Variants in SLC13A5 observed in about 807,000 individuals in gnomAD.
SLC13A5 encodes the protein solute carrier family 13 member 5, also known as Na(+)/citrate cotransporter.
A neutral mutation model predicts 56.5 loss-of-function variants in SLC13A5; 25 were observed. The ratio of observed to expected loss-of-function variants is 0.44; its 90% CI spans 0.32 to 0.62. The LOEUF (loss-of-function observed/expected upper bound fraction) is 0.62, where lower values mean the gene tolerates loss of function less well. SLC13A5 is among the 20% of genes least tolerant of loss of function. The pLI is 0.04. For missense variants in SLC13A5, 649 were observed against 737.8 expected (o/e 0.88, Z 1.39); for synonymous variants, 307 against 301.5 (o/e 1.02, Z -0.19).
At chr17:6,709,016 G>C (rs1261523162) in intron 1 of SLC13A5, among the ~76,000 whole-genome samples, 1 of 112,182 alleles carries the variant, frequency 8.9e-6, no homozygotes, top group Admixed American at 8.5e-5. Context: ...TTTGAGACAG[G>C]GTCTGGCTCT....
At position 6,701,106 on chromosome 17, in the gene SLC13A5, T is replaced by C. The variant is rs778721131; in HGVS notation, c.737A>G (p.Asp246Gly). Reference protein sequence around the residue: ...QMNELFPDSKDLVNFASWFAF... With the variant: ...QMNELFPDSKGLVNFASWFAF... ...AAACCAGGAAGCAAAGTTCACGAGG[T>C]CCTTGCTGTCAGGAAACAACCTACA... The change falls in exon 6 of 12, where the codon GAC becomes GGC. Residue 246 changes from aspartate (D) to glycine (G), a missense_variant. Coordinates refer to ENST00000433363, the MANE Select transcript of SLC13A5 (RefSeq NM_177550.5). This position sits in a 1 kb window ranked among gnomAD's most constrained non-coding sequence, Gnocchi z 4.1. 3.1e-6 allele frequency: 5 copies of C among 1,613,978 alleles called. No individual in the cohort carries two copies. Among genetic ancestry groups the C allele is most frequent in the Non-Finnish European group, 3.4e-6 (4 of 1,179,972 alleles).
chr17:6,699,044 A>AAAATAAATAAATAAAT (rs201152183), intron 6 of SLC13A5, among the ~76,000 whole-genome samples: 9 of 138,200 alleles, frequency 6.5e-5, no homozygotes, highest in East Asian at 2.1e-4. Context: ...CACTGTCTCA[A>AAAATAAATAAATAAAT]AAATAAATAA....
intron 5 of SLC13A5, among the ~76,000 whole-genome samples, chr17:6,702,146 G>A (rs964647434): frequency 6.6e-6 from 1 of 152,052 alleles, no homozygotes; most frequent in Non-Finnish European, 1.5e-5. Context: ...CAGCTCCTGC[G>A]CCCACTGCCC....
intron 4 of SLC13A5, among the ~76,000 whole-genome samples, chr17:6,703,668 G>A (rs1380988907): frequency 1.3e-5 from 2 of 152,160 alleles, no homozygotes; most frequent in Non-Finnish European, 2.9e-5. Context: ...GTGAGACTTT[G>A]TTCAAAGCTC....
In SLC13A5 at chr17:6,685,140, G is replaced by C. The variant is rs985942735; in HGVS notation, c.*1067C>G. 5 of 152,220 alleles carry C rather than the reference G, an allele frequency of 3.3e-5. No homozygotes were observed. The highest frequency in any genetic ancestry group is 1.2e-4 in the African/African-American group (5 of 41,438). The allele number at this position is 152,220 out of a possible 1,614,324, so 9.4% of individuals were successfully genotyped here. On this transcript the variant is annotated 3_prime_UTR_variant, in exon 12 of 12. Coordinates refer to ENST00000433363, the MANE Select transcript of SLC13A5 (RefSeq NM_177550.5). The surrounding 1 kb of genome is among the most constrained non-coding windows in gnomAD (Gnocchi z 4.2). ...TCCTCTGTTGTCACCAGCCATGGCT[G>C]TGAAGGCCAGTCAACAAAGGGAAGA...
chr17:6,707,412 G>A (rs887866696), intron 1 of SLC13A5, among the ~76,000 whole-genome samples: 1 of 152,090 alleles, frequency 6.6e-6, no homozygotes, highest in Non-Finnish European at 1.5e-5. Flanking sequence ...GTGGTTCTAG[G>A]CACGTTCTTT....
In SLC13A5 at chr17:6,692,809, C is replaced by G. The variant is rs1032170171; in HGVS notation, c.1275+235G>C. On this transcript the variant is annotated intron_variant, in intron 9 of 11. Coordinates refer to ENST00000433363, the MANE Select transcript of SLC13A5 (RefSeq NM_177550.5). The surrounding 1 kb of genome is among the most constrained non-coding windows in gnomAD (Gnocchi z 5.5). ...GTCCTCTGCCTCTCTTGGCTAACCACGGTCACTCATTCACTCATTCCTGCA... is the reference window on the plus strand; with the variant it reads ...GTCCTCTGCCTCTCTTGGCTAACCAGGGTCACTCATTCACTCATTCCTGCA... 2 of 544,844 alleles carry G rather than the reference C, an allele frequency of 3.7e-6. No homozygotes were observed. The highest frequency in any genetic ancestry group is 6.6e-6 in the Non-Finnish European group (2 of 305,026). 33.8% of individuals were successfully genotyped at this position (544,844 alleles called of 1,614,324 possible).
intron 11 of SLC13A5, chr17:6,686,967 C>T (rs896771966): frequency 1.9e-5 from 3 of 158,068 alleles, no homozygotes; most frequent in Non-Finnish European, 2.8e-5. Context: ...AAACACTTGC[C>T]TCTTTCCCAG....
chr17:6,698,214 G>A (rs1334230398), intron 6 of SLC13A5, among the ~76,000 whole-genome samples: 1 of 152,232 alleles, frequency 6.6e-6, no homozygotes, highest in Non-Finnish European at 1.5e-5. Flanking sequence ...GAAGGGGAAG[G>A]GGTGGGACTG....
intron 7 of SLC13A5, 23 bp from the exon 8 acceptor site, chr17:6,694,220 C>A: frequency 7.1e-7 from 1 of 1,418,052 alleles, no homozygotes; most frequent in South Asian, 1.2e-5. Context: ...AAGCACAGCT[C>A]ATCTGCGACA....
In SLC13A5 at chr17:6,692,123, AGATGGATGGATGGATG is replaced by A. The variant is rs753711538; in HGVS notation, c.1275+905_1275+920del. On this transcript the variant is annotated intron_variant, in intron 9 of 11. Transcript: ENST00000433363. This position sits in a 1 kb window ranked among gnomAD's most constrained non-coding sequence, Gnocchi z 5.5. ...AGGAATGTTGGATGGATGGATGGAT[AGATGGATGGATGGATG>A]GATGGATGGATGGATGGATGGATGG... Among the ~76,000 whole-genome samples, 2 of 143,954 alleles carry A rather than the reference AGATGGATGGATGGATG, an allele frequency of 1.4e-5. No homozygotes were observed. The highest frequency in any genetic ancestry group is 2.2e-4 in the South Asian group (1 of 4,472). The allele number at this position is 143,954 out of a possible 152,430, so 94.4% of individuals were successfully genotyped here. A position where few individuals can be genotyped will look rare whatever the true frequency, so the allele number is the denominator to read the frequency against.
At position 6,692,239 on chromosome 17, in the gene SLC13A5, G is replaced by A. The variant is rs1470686152; in HGVS notation, c.1275+805C>T. ...TGGGTGGATGGATGGACAGATGGATGGATGGATGGATGGATGGATGGATGG... is the reference window on the plus strand; with the variant it reads ...TGGGTGGATGGATGGACAGATGGATAGATGGATGGATGGATGGATGGATGG... On this transcript the variant is annotated intron_variant, in intron 9 of 11. Coordinates refer to ENST00000433363, the MANE Select transcript of SLC13A5 (RefSeq NM_177550.5). This position sits in a 1 kb window ranked among gnomAD's most constrained non-coding sequence, Gnocchi z 5.5. Among the ~76,000 whole-genome samples, 1 of 141,650 alleles carries A rather than the reference G, an allele frequency of 7.1e-6. No individual in the cohort carries two copies. Among genetic ancestry groups the A allele is most frequent in the African/African-American group, 3.0e-5 (1 of 33,048 alleles). The allele number at this position is 141,650 out of a possible 152,430, so 92.9% of individuals were successfully genotyped here. A position where few individuals can be genotyped will look rare whatever the true frequency, so the allele number is the denominator to read the frequency against.
chr17:6,706,600 C>A, intron 3 of SLC13A5, 42 bp downstream of exon 3: 1 of 1,603,168 alleles, frequency 6.2e-7, no homozygotes, highest in Non-Finnish European at 8.5e-7. Context: ...AGCCCTGGGG[C>A]TCATGCAGAG....
At chr17:6,690,713 G>C in intron 10 of SLC13A5, 66 bp downstream of exon 10, 2 of 1,604,734 alleles carry the variant, frequency 1.2e-6, no homozygotes, top group Non-Finnish European at 1.7e-6. Context: ...CCTCGTCAGG[G>C]ACCCACAATA....
Position 6,685,859 on chromosome 17 carries a change from C to T in SLC13A5, c.*348G>A, listed in dbSNP as rs1352615820. The stretch of plus-strand genomic sequence containing the variant: ...TATCTAGGACGAAGCGAGTGAAAAC[C>T]AGAGCCCTGTGTGGGGGATGCTTGA... On this transcript the variant is annotated 3_prime_UTR_variant, in exon 12 of 12. Transcript: ENST00000433363. The surrounding 1 kb of genome is among the most constrained non-coding windows in gnomAD (Gnocchi z 4.2). 2 of 289,182 alleles carry T rather than the reference C, an allele frequency of 6.9e-6. No homozygotes were observed. The highest frequency in any genetic ancestry group is 4.2e-5 in the Admixed American group (1 of 23,652). The allele number at this position is 289,182 out of a possible 1,614,324, so 17.9% of individuals were successfully genotyped here. A position where few individuals can be genotyped will look rare whatever the true frequency, so the allele number is the denominator to read the frequency against.
In SLC13A5 at chr17:6,693,366, A is replaced by G. The variant is rs117495155; in HGVS notation, c.1157-204T>C. ...TACATTGCTGGTGAGGATATGATCA[A>G]ACTATTACACACACTGCCAATAGCA... On this transcript the variant is annotated intron_variant, in intron 8 of 11. Coordinates refer to ENST00000433363, the MANE Select transcript of SLC13A5 (RefSeq NM_177550.5). 6,684 of 516,428 alleles carry G rather than the reference A, an allele frequency of 0.013. 87 individuals carry two copies. Among genetic ancestry groups the G allele is most frequent in the Non-Finnish European group, 0.016 (4,599 of 294,054 alleles). The allele number at this position is 516,428 out of a possible 1,614,324, so 32.0% of individuals were successfully genotyped here.
chr17:6,685,430 G>T lies in SLC13A5; in HGVS notation c.*777C>A, dbSNP rs950703967. The T allele has an allele frequency of 2.0e-5, 3 of 152,296 alleles. No homozygotes were observed. Among genetic ancestry groups the T allele is most frequent in the Non-Finnish European group, 4.4e-5 (3 of 68,070 alleles). The allele number at this position is 152,296 out of a possible 1,614,324, so 9.4% of individuals were successfully genotyped here. A position where few individuals can be genotyped will look rare whatever the true frequency, so the allele number is the denominator to read the frequency against. ...TGCCAGCCAAGGCGTCTCGGCAAAT[G>T]TTGACCCAGACAACAGGGGACCAAG... On this transcript the variant is annotated 3_prime_UTR_variant, in exon 12 of 12. Coordinates refer to ENST00000433363, the MANE Select transcript of SLC13A5 (RefSeq NM_177550.5). This position sits in a 1 kb window ranked among gnomAD's most constrained non-coding sequence, Gnocchi z 4.2.
chr17:6,706,008 A>G (rs1190766094), intron 3 of SLC13A5, among the ~76,000 whole-genome samples: 1 of 152,198 alleles, frequency 6.6e-6, no homozygotes, highest in Non-Finnish European at 1.5e-5. Context: ...GAGGCAATTC[A>G]TAAGCTCCTG....
chr17:6,690,646 G>A (rs371303999), intron 10 of SLC13A5, 133 bp downstream of exon 10: 117 of 1,261,912 alleles, frequency 9.3e-5, no homozygotes, highest in Admixed American at 1.8e-4. Context: ...ACAAATCCAC[G>A]TCACAGTCAG....
Sources: allele counts gnomAD v4.1 joint callset (sites outside exome capture counted in the v4.1 genomes callset), GRCh38; gene constraint gnomAD v4.1.1; non-coding constraint Gnocchi (gnomAD v3.1); transcripts MANE v1.5; gene names NCBI Gene and HGNC (gene_info 2026-07-23, HGNC 2026-07-21).